ZDHHC23: variants seen among roughly 807,000 people sequenced by gnomAD.
ZDHHC23 encodes palmitoyltransferase ZDHHC23.
Under a neutral mutation model 40.2 loss-of-function variants are expected in ZDHHC23, and 41 were observed. That is an observed-to-expected ratio of 1.02 (90% CI 0.79 to 1.32). The LOEUF (loss-of-function observed/expected upper bound fraction) is 1.32, where lower values mean the gene tolerates loss of function less well. Among genes scored for constraint, ZDHHC23 ranks in the 40% most tolerant of loss-of-function variants. ZDHHC23 has a pLI of 0.00. For synonymous variants in ZDHHC23, 204 were observed against 210.2 expected, an observed-to-expected ratio of 0.97 and a Z score of 0.26; for missense variants, 471 against 541.5, an observed-to-expected ratio of 0.87 and a Z score of 1.29.
At chr3:113,971,244 T>C in the ZDHHC23 span, among the ~76,000 whole-genome samples, 1 of 151,750 alleles carries the variant, frequency 6.6e-6, no homozygotes. Flanking sequence ...CCTGACTTTT[T>C]AATGATCGCC....
rs375002002 is a variant in ZDHHC23 at position 113,954,066 on chromosome 3, C to T, written c.528C>T (p.Cys176=). The T allele has an allele frequency of 3.3e-5, 53 of 1,613,992 alleles. No individual in the cohort carries two copies. In the East Asian group the frequency reaches 5.1e-4, roughly 16 times the overall value. ...CCGTTCAGCTGGCGGTTCTTACCTG[C>T]GGGTTATTTCTGATACTCTTAGCCT... ...VGPVQLAVLT[C]GLFLILLALH... is the part of the protein sequence containing the mutation. The change falls in exon 3 of 5, where the codon TGC becomes TGT. Residue 176 remains cysteine (C), a synonymous_variant. Coordinates refer to ENST00000638807, the MANE Select transcript of ZDHHC23 (RefSeq NM_001320466.2).
the ZDHHC23 span, among the ~76,000 whole-genome samples, chr3:113,976,700 A>G: frequency 2.6e-5 from 4 of 152,056 alleles, no homozygotes; most frequent in East Asian, 1.9e-4. Context: ...GTGAGTTACT[A>G]TAGTACCCTG....
chr3:113,955,448 A>G (rs778981086), intron 3 of ZDHHC23, among the ~76,000 whole-genome samples: 2 of 151,966 alleles, frequency 1.3e-5, no homozygotes, highest in Non-Finnish European at 2.9e-5. Context: ...AACAGCAGAT[A>G]TGTGCCCACT....
chr3:113,973,595 G>GT, the ZDHHC23 span, among the ~76,000 whole-genome samples: 6 of 130,950 alleles, frequency 4.6e-5, no homozygotes, highest in African/African-American at 1.5e-4. Context: ...TTGGATGGCA[G>GT]GTTTTTTTTT....
chr3:113,955,696 A>G lies in ZDHHC23; in HGVS notation c.873-643A>G, dbSNP rs1036408577. Among the ~76,000 whole-genome samples the G allele has an allele frequency of 2.0e-5, 3 of 152,092 alleles. No homozygotes were observed. The East Asian group carries it at 5.8e-4, about 29-fold the overall frequency. On this transcript the variant is annotated intron_variant, in intron 3 of 4. Transcript: ENST00000638807. ...AGCATTTTTAAGTTTTCATAATTCT[A>G]TTTATCTCCCTTTCCTTAACATGGT...
intron 2 of ZDHHC23, among the ~76,000 whole-genome samples, chr3:113,950,546 C>T (rs1938563193): frequency 6.6e-6 from 1 of 151,710 alleles, no homozygotes; most frequent in South Asian, 2.1e-4. Flanking sequence ...AAGGTCTCAC[C>T]TCTGAATACT....
chr3:113,955,389 T>TGTGTGTGTGTGCGC (rs368956826), intron 3 of ZDHHC23, among the ~76,000 whole-genome samples: 1 of 140,150 alleles, frequency 7.1e-6, no homozygotes, highest in African/African-American at 2.7e-5. Flanking sequence ...TGTGTGTGTG[T>TGTGTGTGTGTGCGC]GTGCGTGTGT....
At chr3:113,957,977 A>G (rs1003713008) in intron 4 of ZDHHC23, 10 of 368,850 alleles carry the variant, frequency 2.7e-5, no homozygotes, top group African/African-American at 1.7e-4. Flanking sequence ...GCTTCCTAGA[A>G]GACATTTATA....
chr3:113,965,088 G>C (rs1188003190), downstream of ZDHHC23: 1 of 858,694 alleles, frequency 1.2e-6, no homozygotes, highest in Admixed American at 2.5e-5. Context: ...TATGTGTGTG[G>C]GTGGGTGGAG....
the ZDHHC23 span, among the ~76,000 whole-genome samples, chr3:113,972,540 T>G: frequency 6.6e-6 from 1 of 152,288 alleles, no homozygotes; most frequent in Non-Finnish European, 1.5e-5. Context: ...AAAAAGAATG[T>G]GTATTCTTCA....
At chr3:113,967,608 C>T (rs1378672547), downstream of ZDHHC23, among the ~76,000 whole-genome samples, 6 of 152,028 alleles carry the variant, frequency 3.9e-5, no homozygotes, top group African/African-American at 1.5e-4. Context: ...ATATCCATCA[C>T]CTTAAATATT....
chr3:113,969,506 A>G (rs1205635260), downstream of ZDHHC23, among the ~76,000 whole-genome samples: 3 of 152,118 alleles, frequency 2.0e-5, no homozygotes, highest in Non-Finnish European at 4.4e-5. Context: ...TCTGTAACCC[A>G]TTTGGATTTG....
chr3:113,958,763 G>C lies in ZDHHC23; in HGVS notation c.*133G>C. 2 of 1,563,526 alleles carry C rather than the reference G, an allele frequency of 1.3e-6. No homozygotes were observed. The highest frequency in any genetic ancestry group is 1.1e-5 in the South Asian group (1 of 89,088). On this transcript the variant is annotated 3_prime_UTR_variant, in exon 5 of 5. Coordinates refer to ENST00000638807, the MANE Select transcript of ZDHHC23 (RefSeq NM_001320466.2). ...GGGCCATGCTCAGGTTTAGAGACTG[G>C]AGTGGGAAGAAGTTAATTTTTCTGA... is the stretch of plus-strand genomic sequence containing the variant.
chr3:113,978,770 G>T, the ZDHHC23 span: 1 of 1,382,318 alleles, frequency 7.2e-7, no homozygotes, highest in Admixed American at 2.1e-5. Context: ...AAAACATAAT[G>T]ACCCTGGACA....
chr3:113,963,938 T>G (rs1253900673), downstream of ZDHHC23, among the ~76,000 whole-genome samples: 2 of 148,102 alleles, frequency 1.4e-5, no homozygotes, highest in Non-Finnish European at 3.0e-5. Flanking sequence ...ACACAGGTTT[T>G]TTTTTTTTTT....
Position 113,958,228 on chromosome 3 carries a change from C to A in ZDHHC23, c.1041-135C>A, listed in dbSNP as rs1939418863. On this transcript the variant is annotated intron_variant, in intron 4 of 4. Coordinates refer to ENST00000638807, the MANE Select transcript of ZDHHC23 (RefSeq NM_001320466.2). Reference sequence around the variant, plus strand: ...AGCAGGTTATTGGCATTCTGAGTATCTTCCAGTTCGGAGGGTTGGGGAAGA... The same window carrying A: ...AGCAGGTTATTGGCATTCTGAGTATATTCCAGTTCGGAGGGTTGGGGAAGA... 4.1e-6 allele frequency: 3 copies of A among 725,986 alleles called. No homozygotes were observed. In the Middle Eastern group the frequency reaches 1.2e-3, roughly 292 times the overall value. The allele number at this position is 725,986 out of a possible 1,614,324, so 45.0% of individuals were successfully genotyped here. A position where few individuals can be genotyped will look rare whatever the true frequency, so the allele number is the denominator to read the frequency against.
the ZDHHC23 span, among the ~76,000 whole-genome samples, chr3:113,977,562 G>A: frequency 2.6e-5 from 4 of 152,330 alleles, no homozygotes; most frequent in East Asian, 5.8e-4. Context: ...CATATAGTAT[G>A]ATTCCATGTA....
chr3:113,949,143 G>A (rs1938426102), intron 2 of ZDHHC23, among the ~76,000 whole-genome samples, 180 bp downstream of exon 2: 1 of 152,230 alleles, frequency 6.6e-6, no homozygotes, highest in Non-Finnish European at 1.5e-5. Context: ...TTACGCAGTA[G>A]TGCACAGCTG....
chr3:113,968,009 C>T (rs1438709565), downstream of ZDHHC23, among the ~76,000 whole-genome samples: 1 of 152,046 alleles, frequency 6.6e-6, no homozygotes, highest in Non-Finnish European at 1.5e-5. Context: ...GTGTATATAC[C>T]ATATTTTCTT....
Sources: gnomAD v4.1 joint callset for allele counts (sites outside exome capture counted in the v4.1 genomes callset) on GRCh38, gnomAD v4.1.1 for gene constraint, MANE v1.5 for transcripts, NCBI Gene and HGNC (gene_info 2026-07-23, HGNC 2026-07-21) for gene names.